Variants in ZRSR2 observed in about 807,000 individuals in gnomAD.
The protein encoded by ZRSR2 is zinc finger CCCH-type, RNA binding motif and serine/arginine rich 2, also known as U2 small nuclear ribonucleoprotein auxiliary factor 35 kDa subunit-related protein 2.
ZRSR2 carries 3 observed loss-of-function variants against 39.4 expected under a neutral mutation model. The observed-to-expected ratio is 0.08, with a 90% CI of 0.03 to 0.20. ZRSR2 has a LOEUF of 0.20. Among genes scored for constraint, ZRSR2 ranks in the 10% least tolerant of loss-of-function variants. ZRSR2 has a pLI of 1.00. For missense variants in ZRSR2, 256 were observed against 391.5 expected (o/e 0.65, Z 2.92); for synonymous variants, 137 against 136.0 (o/e 1.01, Z -0.05).
chrX:15,799,976 A>G (rs766578345), intron 3 of ZRSR2, 23 bp downstream of exon 3: 17 of 1,043,111 alleles, frequency 1.6e-5, no homozygotes, highest in South Asian at 2.0e-5. Context: ...TGAAACACTT[A>G]AAGTGAATGA....
At chrX:15,790,769 G>A in intron 1 of ZRSR2, 165 bp from the exon 2 acceptor site, 1 of 599,254 alleles carries the variant, frequency 1.7e-6, no homozygotes, top group Non-Finnish European at 2.6e-6. Flanking sequence ...GGGAGTGGGA[G>A]GATGAGGCGA....
chrX:15,820,889 A>G (rs1485796656), intron 10 of ZRSR2, among the ~76,000 whole-genome samples: 1 of 111,758 alleles, frequency 8.9e-6, no homozygotes, highest in African/African-American at 3.3e-5. Flanking sequence ...TGGCAACCCA[A>G]TCAGGAAATG....
At chrX:15,797,924 T>C (rs1285703000) in intron 2 of ZRSR2, among the ~76,000 whole-genome samples, 2 of 112,143 alleles carry the variant, frequency 1.8e-5, no homozygotes, top group African/African-American at 6.5e-5. Context: ...GTGTCAGCTG[T>C]GTCTATGCCC....
At chrX:15,793,360 A>G (rs1413396643) in intron 2 of ZRSR2, among the ~76,000 whole-genome samples, 1 of 110,567 alleles carries the variant, frequency 9.0e-6, no homozygotes, top group Admixed American at 9.7e-5. Flanking sequence ...GTCATGTCCC[A>G]TGGTAGTTTA....
intron 7 of ZRSR2, among the ~76,000 whole-genome samples, chrX:15,810,480 CA>C (rs1932862261): frequency 8.9e-6 from 1 of 111,765 alleles, no homozygotes; most frequent in African/African-American, 3.2e-5. Context: ...TGTATTTAAT[CA>C]GAAACCATAT....
chrX:15,791,081 G>GC (rs1205413654), intron 2 of ZRSR2, 68 bp downstream of exon 2: 15 of 988,742 alleles, frequency 1.5e-5, no homozygotes, highest in Non-Finnish European at 2.1e-5. Flanking sequence ...CTAACTTGAA[G>GC]CCCCAGTGTC....
At chrX:15,806,712 C>T (rs1932787713) in intron 5 of ZRSR2, among the ~76,000 whole-genome samples, 1 of 69,647 alleles carries the variant, frequency 1.4e-5, no homozygotes, top group Admixed American at 1.6e-4. Flanking sequence ...ACCACTGCAC[C>T]AGACTTTTTT....
In ZRSR2 at chrX:15,815,901, G is replaced by A. The variant is rs369781555; in HGVS notation, c.771+11G>A. On this transcript the variant is annotated intron_variant, in intron 8 of 10. Transcript: ENST00000307771. ...GTGATTCAGTTCAAGGTGGGCATGCGTGTGGAGGAGGGGACTGGTTTGCTT... is the reference window on the plus strand; with the variant it reads ...GTGATTCAGTTCAAGGTGGGCATGCATGTGGAGGAGGGGACTGGTTTGCTT... The A allele has an allele frequency of 5.1e-6, 6 of 1,181,257 alleles. No homozygotes were observed. The highest frequency in any genetic ancestry group is 4.5e-5 in the Admixed American group (2 of 44,271).
At chrX:15,820,404 T>G in intron 10 of ZRSR2, 88 bp downstream of exon 10, 1 of 874,396 alleles carries the variant, frequency 1.1e-6, no homozygotes, top group Non-Finnish European at 1.7e-6. Context: ...TATTTTCAAG[T>G]GGTGAGGCAT....
Position 15,790,942 on chromosome X carries a change from A to G in ZRSR2, c.50A>G (p.Lys17Arg), listed in dbSNP as rs1932255174. The change falls in exon 2 of 11, where the codon AAG becomes AGG. Residue 17 changes from lysine (K) to arginine (R), a missense_variant. Lys to Arg is a conservative substitution (Grantham distance 26). Around this residue, in one of 3 missense-constraint regions of ZRSR2, gnomAD observed 87 missense variants for 111.7 expected, o/e 0.78. Transcript: ENST00000307771. ...ATGTCTTAATCTTCCAGCCACAAAA[A>G]GTACAGGGCCGCCCTGAAGAAGGAG... ...MTFPEKPSHKKYRAALKKEKR... is the reference protein window; with the variant it reads ...MTFPEKPSHKRYRAALKKEKR... 1 of 1,211,093 alleles carries G rather than the reference A, an allele frequency of 8.3e-7. No individual in the cohort carries two copies.
chrX:15,804,317 CATATTT>C, intron 5 of ZRSR2, 120 bp downstream of exon 5: 1 of 1,043,507 alleles, frequency 9.6e-7, no homozygotes, highest in Non-Finnish European at 1.3e-6. Flanking sequence ...TGGAAAGAAT[CATATTT>C]CAGTTTAGAC....
At chrX:15,807,196 TA>T (rs1276320861) in intron 5 of ZRSR2, among the ~76,000 whole-genome samples, 1 of 112,593 alleles carries the variant, frequency 8.9e-6, no homozygotes, top group African/African-American at 3.2e-5. Context: ...AATTTTCTCC[TA>T]AATGCTAATT....
chrX:15,796,342 T>G lies in ZRSR2; in HGVS notation c.122-3530T>G, dbSNP rs1932459067. 2.7e-5 allele frequency among the ~76,000 whole-genome samples: 3 copies of G among 112,332 alleles called. No homozygotes were observed. In the South Asian group the frequency reaches 1.1e-3, roughly 41 times the overall value. ...ATCACTTCTTACTGCCATACACAAT[T>G]TACTGAAGAGATGAACTGCTCATGC... On this transcript the variant is annotated intron_variant, in intron 2 of 10. Transcript: ENST00000307771.
chrX:15,812,428 G>T (rs1932901599), intron 7 of ZRSR2, among the ~76,000 whole-genome samples: 1 of 112,044 alleles, frequency 8.9e-6, no homozygotes, highest in South Asian at 3.6e-4. Context: ...GAGCCTTGGT[G>T]ACTTGCTCCA....
At chrX:15,805,143 A>G (rs1456108400) in intron 5 of ZRSR2, among the ~76,000 whole-genome samples, 2 of 112,394 alleles carry the variant, frequency 1.8e-5, no homozygotes, top group Admixed American at 1.9e-4. Context: ...AATATGGGGC[A>G]GAAGCAGCCT....
intron 7 of ZRSR2, among the ~76,000 whole-genome samples, chrX:15,812,029 G>A (rs762177227): frequency 4.6e-4 from 51 of 110,673 alleles, no homozygotes; most frequent in East Asian, 3.7e-3. Flanking sequence ...TCCTGGGTTC[G>A]CGCCATTCTC....
At chrX:15,810,761 A>C (rs928836236) in intron 7 of ZRSR2, among the ~76,000 whole-genome samples, 1 of 108,412 alleles carries the variant, frequency 9.2e-6, no homozygotes, top group African/African-American at 3.4e-5. Context: ...TCACACCTAT[A>C]ATCCCAGCAC....
intron 3 of ZRSR2, 97 bp downstream of exon 3, chrX:15,800,050 G>T (rs1311712775): frequency 2.0e-6 from 1 of 512,494 alleles, no homozygotes; most frequent in Non-Finnish European, 3.1e-6. Flanking sequence ...ATAAAATCTT[G>T]TACCAAATAG....
intron 2 of ZRSR2, among the ~76,000 whole-genome samples, chrX:15,795,926 G>C: frequency 8.9e-6 from 1 of 112,120 alleles, no homozygotes; most frequent in Non-Finnish European, 1.9e-5. Context: ...TTCGAGGGCA[G>C]CCTGGCCAAC....
Sources: allele counts gnomAD v4.1 joint callset (sites outside exome capture counted in the v4.1 genomes callset), GRCh38; gene constraint gnomAD v4.1.1; regional missense constraint gnomAD v4.1.1; transcripts MANE v1.5; gene names NCBI Gene and HGNC (gene_info 2026-07-23, HGNC 2026-07-21).